Variants in FRMPD3 observed in about 807,000 individuals in gnomAD.
The protein encoded by FRMPD3 is FERM and PDZ domain-containing protein 3.
FRMPD3 carries 42 observed loss-of-function variants against 97.9 expected under a neutral mutation model. That is an observed-to-expected ratio of 0.43 (90% CI 0.34 to 0.55). FRMPD3 has a LOEUF of 0.55. FRMPD3 is among the 20% of genes least tolerant of loss of function. FRMPD3 has a pLI of 0.03. For synonymous variants in FRMPD3, 577 were observed against 581.1 expected, an observed-to-expected ratio of 0.99 and a Z score of 0.10; for missense variants, 1,303 against 1,457.7, an observed-to-expected ratio of 0.89 and a Z score of 1.73.
intron 11 of FRMPD3, among the ~76,000 whole-genome samples, 186 bp downstream of exon 11, chrX:107,563,386 TA>T (rs1922462670): frequency 1.8e-5 from 2 of 111,991 alleles, no homozygotes; most frequent in African/African-American, 3.3e-5. Flanking sequence ...TTGTTTTGAG[TA>T]TCCCTCCATG....
chrX:107,462,457 G>C (rs918896364), intron 1 of FRMPD3, among the ~76,000 whole-genome samples: 1 of 112,197 alleles, frequency 8.9e-6, no homozygotes, highest in Non-Finnish European at 1.9e-5. Flanking sequence ...GCCTAGGGTA[G>C]AGGGGTGCAT....
chrX:107,562,619 G>A (rs1922418852), intron 10 of FRMPD3, among the ~76,000 whole-genome samples: 1 of 112,296 alleles, frequency 8.9e-6, no homozygotes, highest in Non-Finnish European at 1.9e-5. Flanking sequence ...CGATTAAGGA[G>A]GAGTCCAGTG....
intron 1 of FRMPD3, among the ~76,000 whole-genome samples, chrX:107,523,220 G>C (rs1259532783): frequency 9.1e-6 from 1 of 109,498 alleles, no homozygotes; most frequent in Non-Finnish European, 1.9e-5. Context: ...TGGCCTTCTG[G>C]TCTGTTAATG....
chrX:107,575,639 C>T (rs1196961366), intron 12 of FRMPD3, among the ~76,000 whole-genome samples: 2 of 111,398 alleles, frequency 1.8e-5, no homozygotes, highest in African/African-American at 6.5e-5. Flanking sequence ...TTAGTAGAGA[C>T]GGGGTTTCAC....
intron 1 of FRMPD3, among the ~76,000 whole-genome samples, chrX:107,490,646 A>G (rs903960152): frequency 3.6e-5 from 4 of 111,580 alleles, no homozygotes; most frequent in African/African-American, 6.5e-5. Context: ...TTTGTCTGTT[A>G]TTGGTGTATA....
At chrX:107,505,692 G>A (rs1922014006) in intron 1 of FRMPD3, among the ~76,000 whole-genome samples, 1 of 112,889 alleles carries the variant, frequency 8.9e-6, no homozygotes, top group Non-Finnish European at 1.9e-5. Context: ...GGCAGGAAAT[G>A]TTGTGTTATT....
Position 107,593,808 on chromosome X carries a change from T to A in FRMPD3, c.1442-3513T>A, listed in dbSNP as rs751225478. Among the ~76,000 whole-genome samples the A allele has an allele frequency of 5.5e-4, 62 of 112,245 alleles. 1 individual carries two copies. Among genetic ancestry groups the A allele is most frequent in the African/African-American group, 1.9e-3 (60 of 30,950 alleles). On this transcript the variant is annotated intron_variant, in intron 13 of 14. Coordinates refer to ENST00000683843, the MANE Select transcript of FRMPD3 (RefSeq NM_001388459.1). ...CGTAGTATAGTTTGAAATCTGATAA[T>A]GTGATGCCTCCAGATTTGTTCTTTT...
chrX:107,537,781 C>G (rs1007443239), intron 4 of FRMPD3, among the ~76,000 whole-genome samples: 1 of 111,816 alleles, frequency 8.9e-6, no homozygotes, highest in African/African-American at 3.3e-5. Context: ...AGTCGATCCT[C>G]ATTATTTGCA....
Position 107,603,742 on chromosome X carries a change from G to A in FRMPD3, c.*369G>A, listed in dbSNP as rs751049091. Reference sequence around the variant, plus strand: ...GGGGGAGCCAGGGCCTGAAGCAAGCGGACCCTCAGGCTTTGAGCTCCTCGT... The same window carrying A: ...GGGGGAGCCAGGGCCTGAAGCAAGCAGACCCTCAGGCTTTGAGCTCCTCGT... On this transcript the variant is annotated 3_prime_UTR_variant, in exon 15 of 15. Coordinates refer to ENST00000683843, the MANE Select transcript of FRMPD3 (RefSeq NM_001388459.1). 8.6e-5 allele frequency: 13 copies of A among 151,759 alleles called. No individual in the cohort carries two copies. The highest frequency in any genetic ancestry group is 1.3e-4 in the Non-Finnish European group (10 of 78,833). 12.5% of individuals were successfully genotyped at this position (151,759 alleles called of 1,213,427 possible). A position where few individuals can be genotyped will look rare whatever the true frequency, so the allele number is the denominator to read the frequency against.
At chrX:107,570,535 A>AG (rs1447037116) in intron 12 of FRMPD3, among the ~76,000 whole-genome samples, 1 of 111,208 alleles carries the variant, frequency 9.0e-6, no homozygotes, top group Admixed American at 9.5e-5. Flanking sequence ...GTTGGGGCCC[A>AG]GGGGTATACA....
intron 1 of FRMPD3, among the ~76,000 whole-genome samples, chrX:107,515,090 T>C (rs1240971060): frequency 8.9e-6 from 1 of 111,845 alleles, no homozygotes; most frequent in Non-Finnish European, 1.9e-5. Flanking sequence ...TGTCAGAGTA[T>C]ATGAGTTTTG....
At position 107,449,776 on chromosome X, in the gene FRMPD3, G is replaced by A. The variant is rs985236799; in HGVS notation, c.-237G>A. Among the ~76,000 whole-genome samples, 1 of 108,216 alleles carries A rather than the reference G, an allele frequency of 9.2e-6. No individual in the cohort carries two copies. The highest frequency in any genetic ancestry group is 9.6e-5 in the Admixed American group (1 of 10,426). The allele number at this position is 108,216 out of a possible 115,157, so 94.0% of individuals were successfully genotyped here. ...CCTGCCCGCAGCCCGCCGCCTGCGC[G>A]CCAGCTCCCCGCGTCCCGGGCCAGC... On this transcript the variant is annotated 5_prime_UTR_variant, in exon 1 of 15. Transcript: ENST00000683843.
At chrX:107,500,523 G>A (rs1477774397) in intron 1 of FRMPD3, among the ~76,000 whole-genome samples, 5 of 111,625 alleles carry the variant, frequency 4.5e-5, no homozygotes, top group Admixed American at 9.5e-5. Flanking sequence ...GCTGGGCGCC[G>A]TGGCTCATGC....
Position 107,602,460 on chromosome X carries a change from A to T in FRMPD3, c.4421A>T (p.Glu1474Val). The T allele has an allele frequency of 8.3e-7, 1 of 1,211,120 alleles. No homozygotes were observed. The highest frequency in any genetic ancestry group is 1.8e-5 in the South Asian group (1 of 56,994). Residue 1474 changes from glutamate (E) to valine (V), a missense_variant, in exon 15 of 15, where the codon GAG becomes GTG. By Grantham distance (121) the Glu-to-Val change is moderately radical. Around this residue, in one of 3 missense-constraint regions of FRMPD3, gnomAD observed 764 missense variants for 820.2 expected, o/e 0.93. Coordinates refer to ENST00000683843, the MANE Select transcript of FRMPD3 (RefSeq NM_001388459.1). The part of the protein sequence containing the change: ...RQMAVFSLPE[E>V]VYRKPAELDE... Reference sequence around the variant, plus strand: ...ATGGCCGTGTTCTCACTGCCCGAGGAGGTGTACCGGAAGCCTGCCGAGCTA... The same window carrying T: ...ATGGCCGTGTTCTCACTGCCCGAGGTGGTGTACCGGAAGCCTGCCGAGCTA...
intron 1 of FRMPD3, among the ~76,000 whole-genome samples, chrX:107,506,525 A>G (rs1922031055): frequency 8.9e-6 from 1 of 112,686 alleles, no homozygotes; most frequent in African/African-American, 3.2e-5. Flanking sequence ...CGTACAATGG[A>G]GAGGATGCTG....
Position 107,600,594 on chromosome X carries a change from G to C in FRMPD3, c.2555G>C (p.Gly852Ala). The change falls in exon 15 of 15, where the codon GGC (glycine) becomes GCC (alanine). Residue 852 changes from glycine (G) to alanine (A), a missense_variant. By Grantham distance (60) the Gly-to-Ala change is moderately conservative. Coordinates refer to ENST00000683843, the MANE Select transcript of FRMPD3 (RefSeq NM_001388459.1). Reference sequence around the variant, plus strand: ...CCCATTGCCACAGGCCAGAGTCCTGGCCCCCCTGGCGCTCGGAGGAAGCTG... The same window carrying C: ...CCCATTGCCACAGGCCAGAGTCCTGCCCCCCCTGGCGCTCGGAGGAAGCTG... ...LQPIATGQSP[G>A]PPGARRKLPQ... 1 of 1,210,125 alleles carries C rather than the reference G, an allele frequency of 8.3e-7. No individual in the cohort carries two copies. The highest frequency in any genetic ancestry group is 1.1e-6 in the Non-Finnish European group (1 of 895,029).
chrX:107,566,431 G>A (rs1303570083), intron 12 of FRMPD3, among the ~76,000 whole-genome samples: 2 of 112,478 alleles, frequency 1.8e-5, no homozygotes, highest in Non-Finnish European at 3.8e-5. Flanking sequence ...ATTGGCTTGC[G>A]GCTACCTCCT....
rs746319535 is a variant in FRMPD3, at chrX:107,603,127, G to A, written c.5088G>A (p.Val1696=). ...RQELLAKVEE[V]VRNYTFLLRA... ...AGCTGCTGGCCAAGGTAGAAGAGGT[G>A]GTGAGGAACTACACCTTCCTGCTGC... is the stretch of plus-strand genomic sequence containing the variant. Residue 1696 remains valine, a synonymous_variant, in exon 15 of 15, where the codon GTG becomes GTA. Transcript: ENST00000683843. 3 of 1,208,429 alleles carry A rather than the reference G, an allele frequency of 2.5e-6. No homozygotes were observed. The highest frequency in any genetic ancestry group is 3.4e-6 in the Non-Finnish European group (3 of 894,480).
intron 1 of FRMPD3, among the ~76,000 whole-genome samples, chrX:107,477,949 A>G (rs773917044): frequency 2.6e-4 from 29 of 111,125 alleles, no homozygotes; most frequent in African/African-American, 9.5e-4. Flanking sequence ...GTCTCTACTA[A>G]TCCAAAGCAT....
Sources: allele counts gnomAD v4.1 joint callset (sites outside exome capture counted in the v4.1 genomes callset), GRCh38; gene constraint gnomAD v4.1.1; regional missense constraint gnomAD v4.1.1; transcripts MANE v1.5; gene names NCBI Gene and HGNC (gene_info 2026-07-23, HGNC 2026-07-21).